Variants in ARHGAP32 observed in about 807,000 individuals in gnomAD.
The protein encoded by ARHGAP32 is Rho GTPase activating protein 32, also known as rho GTPase-activating protein 32.
A neutral mutation model predicts 186.5 loss-of-function variants in ARHGAP32; 51 were observed. That is an observed-to-expected ratio of 0.27 (90% confidence interval 0.22 to 0.35). The LOEUF (loss-of-function observed/expected upper bound fraction) is 0.35. Ranked by LOEUF, ARHGAP32 falls within the 10% of genes least tolerant of loss-of-function variation. The probability of loss-of-function intolerance (pLI) is 1.00; values close to 1 mark genes in which losing one functional copy is unlikely to be tolerated. For missense variants in ARHGAP32, 2,186 were observed against 2,623.5 expected, an observed-to-expected ratio of 0.83 and a Z score of 3.64; for synonymous variants, 950 against 964.3, an observed-to-expected ratio of 0.99 and a Z score of 0.27.
rs181891381 is a variant in ARHGAP32, at chr11:129,072,679, G to T, written c.532-5811C>A. Among the ~76,000 whole-genome samples the T allele has an allele frequency of 9.0e-3, 1,364 of 152,224 alleles. 10 individuals are homozygous for T. The highest frequency in any genetic ancestry group is 0.015 in the Non-Finnish European group (1,019 of 68,008). Reference sequence around the variant, plus strand: ...AAACTTAATCTATAATTGATAAATTGCTAGAGGCTCAGGGATGACAAGTCT... The same window carrying T: ...AAACTTAATCTATAATTGATAAATTTCTAGAGGCTCAGGGATGACAAGTCT... On this transcript the variant is annotated intron_variant, in intron 6 of 22. Coordinates refer to ENST00000682385, the MANE Select transcript of ARHGAP32 (RefSeq NM_001378024.1).
chr11:129,141,724 T>C (rs528133353), intron 2 of ARHGAP32, among the ~76,000 whole-genome samples: 1 of 151,074 alleles, frequency 6.6e-6, no homozygotes, highest in Admixed American at 6.6e-5. Context: ...AAAAACTCTC[T>C]GCATTGTAAA....
rs972636993 is a variant in ARHGAP32 at position 129,122,310 on chromosome 11, G to T, written c.444+1136C>A. ...CTCACAATGTTTACTGCCCCCAAAA[G>T]AGTTCATTCAACCTTGTAAAGATTA... is the stretch of plus-strand genomic sequence containing the variant. On this transcript the variant is annotated intron_variant, in intron 5 of 22. Coordinates refer to ENST00000682385, the MANE Select transcript of ARHGAP32 (RefSeq NM_001378024.1). Among the ~76,000 whole-genome samples, 3 of 151,054 alleles carry T rather than the reference G, an allele frequency of 2.0e-5. No homozygotes were observed. The East Asian group carries it at 5.8e-4, about 29-fold the overall frequency.
At chr11:129,275,831 T>C (rs1016243562) in intron 1 of ARHGAP32, among the ~76,000 whole-genome samples, 3 of 152,274 alleles carry the variant, frequency 2.0e-5, no homozygotes, top group African/African-American at 7.2e-5. Context: ...ATAAAAATCA[T>C]TCTTAGCCAT....
In ARHGAP32 at chr11:129,067,427, T is replaced by C. The variant is rs551108027; in HGVS notation, c.532-559A>G. Among the ~76,000 whole-genome samples the C allele has an allele frequency of 2.6e-5, 4 of 152,246 alleles. No homozygotes were observed. The East Asian group carries it at 7.7e-4, about 29-fold the overall frequency. ...ACAAGCTCATTTTTTAAAATTACACTCATAAAGGATATTTATTAGATACTA... is the reference window on the plus strand; with the variant it reads ...ACAAGCTCATTTTTTAAAATTACACCCATAAAGGATATTTATTAGATACTA... On this transcript the variant is annotated intron_variant, in intron 6 of 22. Coordinates refer to ENST00000682385, the MANE Select transcript of ARHGAP32 (RefSeq NM_001378024.1).
At chr11:129,236,691 A>G (rs1331968880) in intron 1 of ARHGAP32, among the ~76,000 whole-genome samples, 1 of 152,184 alleles carries the variant, frequency 6.6e-6, no homozygotes. Context: ...ATCACATATC[A>G]TCAGCTAACA....
intron 2 of ARHGAP32, among the ~76,000 whole-genome samples, chr11:129,142,861 A>G (rs1170612432): frequency 2.6e-5 from 4 of 151,786 alleles, no homozygotes; most frequent in African/African-American, 9.7e-5. Context: ...CACTTTTTTT[A>G]ACAGATTCAA....
At chr11:129,204,748 C>G (rs975380208) in intron 1 of ARHGAP32, among the ~76,000 whole-genome samples, 1 of 152,168 alleles carries the variant, frequency 6.6e-6, no homozygotes, top group African/African-American at 2.4e-5. Flanking sequence ...CAACTACTTA[C>G]AAAATTACAG....
chr11:129,020,702 G>A (rs1440127857), intron 11 of ARHGAP32, among the ~76,000 whole-genome samples: 4 of 151,964 alleles, frequency 2.6e-5, no homozygotes, highest in Admixed American at 6.6e-5. Context: ...GTCTCTCTAG[G>A]AACCACTTTT....
At position 128,965,276 on chromosome 11, in the gene ARHGAP32, A is replaced by T. The variant is rs1165086081; in HGVS notation, c.*3631T>A. On this transcript the variant is annotated 3_prime_UTR_variant, in exon 23 of 23. Transcript: ENST00000682385. Reference sequence around the variant, plus strand: ...AAGAAATGAGACTCTAAATATTTACATATGGGGCAAGAAATAAATCACAAA... The same window carrying T: ...AAGAAATGAGACTCTAAATATTTACTTATGGGGCAAGAAATAAATCACAAA... The T allele has an allele frequency of 3.9e-5, 6 of 152,028 alleles. No individual in the cohort carries two copies. Among genetic ancestry groups the T allele is most frequent in the African/African-American group, 7.2e-5 (3 of 41,380 alleles). 9.4% of individuals were successfully genotyped at this position (152,028 alleles called of 1,614,324 possible).
intron 22 of ARHGAP32, chr11:128,971,532 A>G (rs886911569): frequency 1.7e-5 from 3 of 177,782 alleles, no homozygotes; most frequent in Admixed American, 1.1e-4. Context: ...CACAAAGGAC[A>G]TCTTGTTAAA....
chr11:129,144,312 A>T (rs757912899), intron 2 of ARHGAP32, among the ~76,000 whole-genome samples: 4 of 152,188 alleles, frequency 2.6e-5, no homozygotes, highest in Non-Finnish European at 4.4e-5. Context: ...TATGGCAATA[A>T]TTATTTAAAA....
intron 14 of ARHGAP32, 85 bp from the exon 15 acceptor site, chr11:128,986,170 A>G (rs1945867379): frequency 9.6e-7 from 1 of 1,041,816 alleles, no homozygotes; most frequent in Admixed American, 2.6e-5. Flanking sequence ...TCACTCTGAG[A>G]TCAACTTGCT....
At chr11:129,073,871 T>C (rs1940950377) in intron 6 of ARHGAP32, among the ~76,000 whole-genome samples, 1 of 151,598 alleles carries the variant, frequency 6.6e-6, no homozygotes, top group African/African-American at 2.4e-5. Flanking sequence ...CTATAGAGGG[T>C]CAAAATCGGA....
chr11:129,141,858 G>C (rs11221578), intron 2 of ARHGAP32, among the ~76,000 whole-genome samples: 54,615 of 151,364 alleles, frequency 0.36, 10,265 homozygotes, highest in South Asian at 0.52. Flanking sequence ...GAGATAAAGG[G>C]AAAGAAAAAG....
intron 1 of ARHGAP32, among the ~76,000 whole-genome samples, chr11:129,173,593 C>T (rs982836657): frequency 6.6e-6 from 1 of 152,128 alleles, no homozygotes; most frequent in East Asian, 1.9e-4. Flanking sequence ...AAATTGAATC[C>T]AGCAGCACAT....
rs1565354901 is a variant in ARHGAP32 at position 128,981,861 on chromosome 11, A to AT, written c.1601dup (p.Asn534LysfsTer38). The AT allele has an allele frequency of 6.2e-7, 1 of 1,613,334 alleles. No homozygotes were observed. Among genetic ancestry groups the AT allele is most frequent in the Non-Finnish European group, 8.5e-7 (1 of 1,179,644 alleles). On this transcript the variant is annotated frameshift_variant, in exon 16 of 23. Transcript: ENST00000682385. LOFTEE classifies it high-confidence loss of function. ...GGTTTGGAGCCCAAACAATTGCTAG[A>AT]TTTTTTGCATGCATATTTGTGATGG...
At chr11:129,252,231 G>C (rs2135693020) in intron 1 of ARHGAP32, among the ~76,000 whole-genome samples, 1 of 152,132 alleles carries the variant, frequency 6.6e-6, no homozygotes, top group Admixed American at 6.5e-5. Flanking sequence ...CTCAACTGTA[G>C]TCGTGTCTAA....
At chr11:129,040,207 C>T (rs556514197) in intron 11 of ARHGAP32, among the ~76,000 whole-genome samples, 17 of 151,562 alleles carry the variant, frequency 1.1e-4, no homozygotes, top group Non-Finnish European at 2.2e-4. Context: ...AATTCTGAGG[C>T]CCAGAAATTT....
At chr11:129,001,091 G>A (rs945160889) in intron 11 of ARHGAP32, among the ~76,000 whole-genome samples, 15 of 152,118 alleles carry the variant, frequency 9.9e-5, no homozygotes, top group Non-Finnish European at 1.6e-4. Flanking sequence ...CAACAAACAT[G>A]GGAGTGCAGA....
Sources: allele counts gnomAD v4.1 joint callset (sites outside exome capture counted in the v4.1 genomes callset), GRCh38; gene constraint gnomAD v4.1.1; transcripts MANE v1.5; gene names NCBI Gene and HGNC (gene_info 2026-07-23, HGNC 2026-07-21).